The following DOCK10 variants were observed in gnomAD, a reference collection of about 807,000 sequenced individuals.
DOCK10 encodes dedicator of cytokinesis 10.
DOCK10 carries 145 observed loss-of-function variants against 280.1 expected under a neutral mutation model. The ratio of observed to expected loss-of-function variants is 0.52; its 90% CI spans 0.45 to 0.59. The LOEUF is 0.59. Ranked by LOEUF, DOCK10 falls within the 20% of genes least tolerant of loss-of-function variation. The probability of loss-of-function intolerance (pLI) is 0.00; values close to 1 mark genes in which losing one functional copy is unlikely to be tolerated. For missense variants in DOCK10, 2,368 were observed against 2,651.7 expected (o/e 0.89, Z 2.35); for synonymous variants, 915 against 942.2 (o/e 0.97, Z 0.53).
intron 29 of DOCK10, among the ~76,000 whole-genome samples, chr2:224,817,590 T>G (rs1353250927): frequency 6.6e-6 from 1 of 152,218 alleles, no homozygotes; most frequent in Non-Finnish European, 1.5e-5. Flanking sequence ...CATTATTAAA[T>G]TATATGTTAA....
intron 1 of DOCK10, among the ~76,000 whole-genome samples, chr2:225,001,996 GA>G (rs1221236631): frequency 1.3e-5 from 2 of 152,136 alleles, no homozygotes; most frequent in Non-Finnish European, 2.9e-5. Context: ...ATGGTAAGGC[GA>G]CACACATAAG....
At chr2:224,968,906 C>T (rs1365904854) in intron 1 of DOCK10, among the ~76,000 whole-genome samples, 4 of 152,186 alleles carry the variant, frequency 2.6e-5, no homozygotes, top group Non-Finnish European at 5.9e-5. Context: ...AACAGAGCCA[C>T]AGACAGACAC....
Position 224,856,921 on chromosome 2 carries a change from T to C in DOCK10, c.1747A>G (p.Arg583Gly). Residue 583 changes from arginine (R) to glycine (G), a missense_variant, in exon 15 of 56, where the codon AGA becomes GGA. Transcript: ENST00000258390. ...DRDSRFSPLF[R>G]QESSKISTED... is the part of the protein sequence containing the mutation. The stretch of plus-strand genomic sequence containing the variant: ...GTTGAAATCTTGCTACTTTCTTGTC[T>C]AAACAATGGTGAAAATCTTGAGTCT... 1 of 1,612,532 alleles carries C rather than the reference T, an allele frequency of 6.2e-7. No homozygotes were observed. Among genetic ancestry groups the C allele is most frequent in the Non-Finnish European group, 8.5e-7 (1 of 1,178,896 alleles).
At chr2:224,827,249 C>T (rs1194842100) in intron 27 of DOCK10, among the ~76,000 whole-genome samples, 3 of 135,370 alleles carry the variant, frequency 2.2e-5, no homozygotes, top group African/African-American at 6.1e-5. Flanking sequence ...GGCGACAGAG[C>T]GAAACTCCGT....
chr2:224,845,508 C>A lies in DOCK10; in HGVS notation c.2359+11G>T. On this transcript the variant is annotated intron_variant, in intron 20 of 55. Transcript: ENST00000258390. Reference sequence around the variant, plus strand: ...CATGTGACTCTGCCTCAGATTTCTTCCTGGCAGTACCTGACGTTTCCAGAG... The same window carrying A: ...CATGTGACTCTGCCTCAGATTTCTTACTGGCAGTACCTGACGTTTCCAGAG... The A allele has an allele frequency of 1.2e-6, 2 of 1,606,448 alleles. No individual in the cohort carries two copies. The highest frequency in any genetic ancestry group is 1.7e-6 in the Non-Finnish European group (2 of 1,177,504).
At chr2:224,951,005 C>A (rs1451658767) in intron 1 of DOCK10, among the ~76,000 whole-genome samples, 1 of 152,108 alleles carries the variant, frequency 6.6e-6, no homozygotes, top group Non-Finnish European at 1.5e-5. Flanking sequence ...GGATGTAGGG[C>A]CTGGCAATGT....
At chr2:224,799,968 T>C (rs1692863985) in intron 41 of DOCK10, among the ~76,000 whole-genome samples, 183 bp downstream of exon 41, 1 of 152,136 alleles carries the variant, frequency 6.6e-6, no homozygotes, top group African/African-American at 2.4e-5. Flanking sequence ...CAAACAAACA[T>C]TAGTCAACCT....
chr2:224,827,507 C>T (rs889312555), intron 27 of DOCK10, among the ~76,000 whole-genome samples: 1 of 152,060 alleles, frequency 6.6e-6, no homozygotes, highest in Admixed American at 6.6e-5. Flanking sequence ...TGTGACCTGT[C>T]TATACAAGCA....
At chr2:224,818,539 A>G (rs989081281) in intron 29 of DOCK10, among the ~76,000 whole-genome samples, 1 of 151,934 alleles carries the variant, frequency 6.6e-6, no homozygotes, top group Non-Finnish European at 1.5e-5. Flanking sequence ...CTGGAGCTAC[A>G]GGTGCCCGCA....
chr2:224,924,874 A>C (rs1017188923), intron 2 of DOCK10, among the ~76,000 whole-genome samples: 1 of 152,160 alleles, frequency 6.6e-6, no homozygotes, highest in African/African-American at 2.4e-5. Flanking sequence ...CGTCGGCCAA[A>C]AGCATGCTGT....
chr2:224,811,032 T>C (rs1693734921), intron 31 of DOCK10, among the ~76,000 whole-genome samples: 1 of 152,172 alleles, frequency 6.6e-6, no homozygotes, highest in Non-Finnish European at 1.5e-5. Flanking sequence ...ATGGTATTTC[T>C]AGTTCGAGAT....
rs1269331001 is a variant in DOCK10 at position 224,775,749 on chromosome 2, A to G, written c.5803-634T>C. Reference sequence around the variant, plus strand: ...CTTGGCCTCCCAAAGTGCTGGGATTAGAGCCAAGGGCCACTGCACCCAGCC... The same window carrying G: ...CTTGGCCTCCCAAAGTGCTGGGATTGGAGCCAAGGGCCACTGCACCCAGCC... On this transcript the variant is annotated intron_variant, in intron 51 of 55. Coordinates refer to ENST00000258390, the MANE Select transcript of DOCK10 (RefSeq NM_014689.3). 2.0e-5 allele frequency among the ~76,000 whole-genome samples: 3 copies of G among 152,346 alleles called. No homozygotes were observed. In the East Asian group the frequency reaches 5.8e-4, roughly 29 times the overall value.
chr2:224,985,362 A>ATATAT (rs1193585748), intron 1 of DOCK10, among the ~76,000 whole-genome samples: 2 of 151,418 alleles, frequency 1.3e-5, no homozygotes, highest in African/African-American at 4.8e-5. Flanking sequence ...GTCATTAATT[A>ATATAT]TATATTATAT....
At chr2:224,849,651 G>A in intron 18 of DOCK10, 52 bp from the exon 19 acceptor site, 1 of 1,333,884 alleles carries the variant, frequency 7.5e-7, no homozygotes, top group Non-Finnish European at 1.0e-6. Context: ...AATTATCCCT[G>A]GGTGAAAAAA....
rs539961683 is a variant in DOCK10 at position 224,887,269 on chromosome 2, A to C, written c.417-738T>G. 7.6e-4 allele frequency among the ~76,000 whole-genome samples: 116 copies of C among 152,310 alleles called. 1 individual carries two copies. Among genetic ancestry groups the C allele is most frequent in the South Asian group, 1.5e-3 (7 of 4,826 alleles). On this transcript the variant is annotated intron_variant, in intron 4 of 55. Coordinates refer to ENST00000258390, the MANE Select transcript of DOCK10 (RefSeq NM_014689.3). ...ACACAGTAGTCACTGGAAGAGCCCC[A>C]GCCCTGAAGAACCATGACCCTGAGA...
chr2:224,912,230 G>T (rs1482561136), intron 3 of DOCK10, among the ~76,000 whole-genome samples: 3 of 151,650 alleles, frequency 2.0e-5, no homozygotes, highest in Admixed American at 2.0e-4. Flanking sequence ...CCGCCTTCTA[G>T]GTTCAAGTGA....
chr2:224,996,495 A>G (rs2126277587), intron 1 of DOCK10, among the ~76,000 whole-genome samples: 1 of 152,314 alleles, frequency 6.6e-6, no homozygotes, highest in Middle Eastern at 3.4e-3. Flanking sequence ...TGCCCATATA[A>G]TTGACCATCC....
intron 2 of DOCK10, among the ~76,000 whole-genome samples, chr2:224,924,842 T>C (rs1480167524): frequency 6.6e-6 from 1 of 152,182 alleles, no homozygotes; most frequent in Non-Finnish European, 1.5e-5. Flanking sequence ...CCCCAACTTG[T>C]GTGCCTTTTT....
At chr2:224,828,562 A>T (rs1695015837) in intron 27 of DOCK10, among the ~76,000 whole-genome samples, 1 of 152,192 alleles carries the variant, frequency 6.6e-6, no homozygotes, top group South Asian at 2.1e-4. Context: ...CACCATGGCC[A>T]CTAAGAAGGT....
Sources: gnomAD v4.1 joint callset for allele counts (sites outside exome capture counted in the v4.1 genomes callset) on GRCh38, gnomAD v4.1.1 for gene constraint, MANE v1.5 for transcripts, NCBI Gene and HGNC (gene_info 2026-07-23, HGNC 2026-07-21) for gene names.